Variants in SASS6 observed in about 807,000 individuals in gnomAD.
SASS6 encodes spindle assembly abnormal protein 6 homolog.
In SASS6, 59 loss-of-function variants were observed where a neutral mutation model predicts 94.9. That is an observed-to-expected ratio of 0.62 (90% CI 0.50 to 0.77). The LOEUF (loss-of-function observed/expected upper bound fraction) is 0.77, where lower values mean the gene tolerates loss of function less well. SASS6 is among the 30% of genes least tolerant of loss of function. The pLI, the probability that SASS6 is intolerant of heterozygous loss-of-function variation, is 0.00. For synonymous variants in SASS6, 264 were observed against 270.0 expected (o/e 0.98, Z 0.22); for missense variants, 698 against 734.1 (o/e 0.95, Z 0.57).
intron 7 of SASS6, among the ~76,000 whole-genome samples, chr1:100,113,384 G>A (rs555936900): frequency 2.9e-4 from 44 of 152,066 alleles, no homozygotes; most frequent in African/African-American, 6.7e-4. Flanking sequence ...TGAGGCGGGC[G>A]GATCACGAGG....
chr1:100,103,809 G>C (rs1349808798), intron 13 of SASS6, among the ~76,000 whole-genome samples: 1 of 152,132 alleles, frequency 6.6e-6, no homozygotes, highest in East Asian at 1.9e-4. Context: ...TGACTTACCA[G>C]AGTAGATTAG....
intron 4 of SASS6, 72 bp from the exon 5 acceptor site, chr1:100,121,621 C>T: frequency 1.2e-6 from 1 of 867,826 alleles, no homozygotes. Context: ...TCAGAAGCTT[C>T]TCTACTTAAG....
intron 7 of SASS6, among the ~76,000 whole-genome samples, chr1:100,116,587 T>A (rs977182228): frequency 6.6e-6 from 1 of 152,102 alleles, no homozygotes; most frequent in Non-Finnish European, 1.5e-5. Context: ...TACAAGAATG[T>A]TAATAGCAGT....
Position 100,083,801 on chromosome 1 carries a change from T to G in SASS6, c.*1527A>C, listed in dbSNP as rs1404961371. ...ATTCAACTTTCCTTGTGTATATATA[T>G]GCAAAGAGATACCTATATTTTAAAA... On this transcript the variant is annotated 3_prime_UTR_variant, in exon 17 of 17. Coordinates refer to ENST00000287482, the MANE Select transcript of SASS6 (RefSeq NM_194292.3). 22 of 151,920 alleles carry G rather than the reference T, an allele frequency of 1.4e-4. No homozygotes were observed. The highest frequency in any genetic ancestry group is 1.4e-3 in the Admixed American group (22 of 15,260). The allele number at this position is 151,920 out of a possible 1,614,324, so 9.4% of individuals were successfully genotyped here.
intron 1 of SASS6, among the ~76,000 whole-genome samples, chr1:100,126,570 G>A (rs1390800720): frequency 1.8e-4 from 27 of 152,152 alleles, no homozygotes; most frequent in Admixed American, 1.8e-3. Context: ...TTGAGGTCAA[G>A]AGTTGGAGAC....
chr1:100,089,761 T>C (rs971772881), intron 14 of SASS6, among the ~76,000 whole-genome samples: 4 of 152,030 alleles, frequency 2.6e-5, no homozygotes, highest in South Asian at 2.1e-4. Flanking sequence ...ATCTTAGTTA[T>C]TGAGGAGAAA....
At chr1:100,132,658 G>T in intron 1 of SASS6, 92 bp downstream of exon 1, 1 of 1,064,740 alleles carries the variant, frequency 9.4e-7, no homozygotes, top group Non-Finnish European at 1.5e-6. Flanking sequence ...ACACCTAGGT[G>T]CAAGGTGGAT....
intron 5 of SASS6, 30 bp downstream of exon 5, chr1:100,121,348 T>C: frequency 7.3e-7 from 1 of 1,373,210 alleles, no homozygotes; most frequent in Non-Finnish European, 1.0e-6. Context: ...ACTTATTTTG[T>C]TAAAAGAATA....
At chr1:100,088,956 C>G (rs1369470685) in intron 14 of SASS6, among the ~76,000 whole-genome samples, 1 of 151,882 alleles carries the variant, frequency 6.6e-6, no homozygotes, top group Non-Finnish European at 1.5e-5. Flanking sequence ...ATGTCATACT[C>G]AGAAGAAAAA....
At chr1:100,104,941 A>G (rs1007242985) in intron 13 of SASS6, among the ~76,000 whole-genome samples, 1 of 152,048 alleles carries the variant, frequency 6.6e-6, no homozygotes, top group Non-Finnish European at 1.5e-5. Context: ...CAACAGAGTG[A>G]GGTCTTGTCT....
chr1:100,094,847 CAG>C (rs1049883726), intron 14 of SASS6, among the ~76,000 whole-genome samples: 1 of 144,754 alleles, frequency 6.9e-6, no homozygotes, highest in Admixed American at 7.0e-5. Context: ...GCCAGGGCAA[CAG>C]AGAGAGACTC....
intron 6 of SASS6, among the ~76,000 whole-genome samples, chr1:100,119,413 G>A (rs1342080442): frequency 6.6e-6 from 1 of 152,182 alleles, no homozygotes; most frequent in Non-Finnish European, 1.5e-5. Flanking sequence ...CCAATAAAGA[G>A]GGGTAAGGGG....
rs1259462193 is a variant in SASS6 at position 100,107,370 on chromosome 1, C to T, written c.1326+4G>A. 6.5e-7 allele frequency: 1 copy of T among 1,546,306 alleles called. No homozygotes were observed. Among genetic ancestry groups the T allele is most frequent in the East Asian group, 2.3e-5 (1 of 43,872 alleles). ...ACAACATAAAAATTTAAAATATTAA[C>T]TACCTCTTGCTCTTTAATTCGAAGA... is the stretch of plus-strand genomic sequence containing the variant. On this transcript the variant is annotated splice_donor_region_variant and intron_variant, in intron 11 of 16. Transcript: ENST00000287482.
intron 14 of SASS6, among the ~76,000 whole-genome samples, chr1:100,094,014 C>A (rs895201238): frequency 3.3e-5 from 5 of 151,840 alleles, no homozygotes; most frequent in Non-Finnish European, 2.9e-5. Flanking sequence ...ATTGAAAAAC[C>A]AATGAAACCA....
At position 100,121,531 on chromosome 1, in the gene SASS6, A is replaced by C; in HGVS notation, c.330T>G (p.Val110=). The C allele has an allele frequency of 6.3e-7, 1 of 1,587,786 alleles. No homozygotes were observed. The highest frequency in any genetic ancestry group is 1.8e-5 in the Admixed American group (1 of 56,142). Residue 110 remains valine (V), a synonymous_variant, in exon 5 of 17, where the codon GTT becomes GTG. Transcript: ENST00000287482. ...AGTTATCCAAAATAGCTGCTGGAGAAACTAACTGTAGCAAAAACCTTTGAA... is the reference window on the plus strand; with the variant it reads ...AGTTATCCAAAATAGCTGCTGGAGACACTAACTGTAGCAAAAACCTTTGAA... ...KEIPRFLLQL[V]SPAAILDNSP...
At chr1:100,102,585 A>T (rs1408223076) in intron 14 of SASS6, among the ~76,000 whole-genome samples, 2 of 151,574 alleles carry the variant, frequency 1.3e-5, no homozygotes, top group African/African-American at 2.4e-5. Context: ...AGGCTGAGGC[A>T]CGAGAATCAC....
At chr1:100,093,717 T>C (rs528377221) in intron 14 of SASS6, among the ~76,000 whole-genome samples, 1 of 152,018 alleles carries the variant, frequency 6.6e-6, no homozygotes, top group Non-Finnish European at 1.5e-5. Flanking sequence ...GCTGCGATCA[T>C]GCCACTGTAC....
chr1:100,110,499 A>G lies in SASS6; in HGVS notation c.670-16T>C. 1 of 1,382,688 alleles carries G rather than the reference A, an allele frequency of 7.2e-7. No individual in the cohort carries two copies. Among genetic ancestry groups the G allele is most frequent in the Non-Finnish European group, 9.7e-7 (1 of 1,027,846 alleles). The allele number at this position is 1,382,688 out of a possible 1,614,324, so 85.7% of individuals were successfully genotyped here. A position where few individuals can be genotyped will look rare whatever the true frequency, so the allele number is the denominator to read the frequency against. On this transcript the variant is annotated splice_polypyrimidine_tract_variant and intron_variant, in intron 7 of 16. Coordinates refer to ENST00000287482, the MANE Select transcript of SASS6 (RefSeq NM_194292.3). The stretch of plus-strand genomic sequence containing the variant: ...GAACCTGTGCCTATGATACAATAAA[A>G]ATACAGTACCAAAATTCAAAGAAAA...
At position 100,110,346 on chromosome 1, in the gene SASS6, A is replaced by G. The variant is rs771663792; in HGVS notation, c.807T>C (p.Tyr269=). ...GTTCTCTAATAGTGGAGTCTCCTTT[A>G]TATTTTCTTTCGGTTAAGTCTTTAT... ...AANKDLTERK[Y]KGDSTIRELK... The change falls in exon 8 of 17, where the codon TAT becomes TAC. Residue 269 remains tyrosine, a synonymous_variant. Coordinates refer to ENST00000287482, the MANE Select transcript of SASS6 (RefSeq NM_194292.3). 6 of 1,606,896 alleles carry G rather than the reference A, an allele frequency of 3.7e-6. No homozygotes were observed. The highest frequency in any genetic ancestry group is 1.1e-5 in the South Asian group (1 of 90,110).
Sources: allele counts gnomAD v4.1 joint callset (sites outside exome capture counted in the v4.1 genomes callset), GRCh38; gene constraint gnomAD v4.1.1; transcripts MANE v1.5; gene names NCBI Gene and HGNC (gene_info 2026-07-23, HGNC 2026-07-21).